The following WDR82 variants were observed in gnomAD, a reference collection of about 807,000 sequenced individuals.
The protein encoded by WDR82 is WD repeat domain 82.
A neutral mutation model predicts 36.1 loss-of-function variants in WDR82; 8 were observed. That is an observed-to-expected ratio of 0.22 (90% confidence interval 0.13 to 0.40). The LOEUF (loss-of-function observed/expected upper bound fraction) is 0.40, where lower values mean the gene tolerates loss of function less well. Ranked by LOEUF, WDR82 falls within the 10% of genes least tolerant of loss-of-function variation. The pLI is 1.00. For missense variants in WDR82, 185 were observed against 400.5 expected, an observed-to-expected ratio of 0.46 and a Z score of 4.59; for synonymous variants, 129 against 137.8, an observed-to-expected ratio of 0.94 and a Z score of 0.45.
chr3:52,260,540 T>G, intron 4 of WDR82, 39 bp from the exon 5 acceptor site: 1 of 1,413,510 alleles, frequency 7.1e-7, no homozygotes, highest in East Asian at 2.5e-5. Flanking sequence ...AAAACACACA[T>G]GCCACAACCA....
intron 3 of WDR82, among the ~76,000 whole-genome samples, chr3:52,265,184 C>T (rs1270557714): frequency 6.6e-6 from 1 of 151,328 alleles, no homozygotes; most frequent in Admixed American, 6.6e-5. Flanking sequence ...CCTGTGGTCC[C>T]AGCTACTCAG....
At chr3:52,272,878 C>T (rs149113051) in intron 1 of WDR82, among the ~76,000 whole-genome samples, 13 of 152,348 alleles carry the variant, frequency 8.5e-5, no homozygotes, top group African/African-American at 2.9e-4. Flanking sequence ...CTACATGAAA[C>T]CCATTTCCAA....
Position 52,269,771 on chromosome 3 carries a change from A to T in WDR82, c.259+941T>A, listed in dbSNP as rs1042757856. On this transcript the variant is annotated intron_variant, in intron 2 of 8. Coordinates refer to ENST00000296490, the MANE Select transcript of WDR82 (RefSeq NM_025222.4). ...CAAACAAAAGAAAATAAACAAAATT[A>T]AAAAATTAAAGAATTCTAACATGAA... 3.7e-4 allele frequency among the ~76,000 whole-genome samples: 56 copies of T among 152,306 alleles called. 1 individual carries two copies. Among genetic ancestry groups the T allele is most frequent in the African/African-American group, 1.1e-3 (44 of 41,566 alleles).
chr3:52,257,652 AC>A (rs1464196754), intron 8 of WDR82, 133 bp from the exon 9 acceptor site: 2 of 889,448 alleles, frequency 2.2e-6, no homozygotes, highest in East Asian at 2.6e-5. Context: ...TAACCAACCA[AC>A]CCCGATGCTC....
At chr3:52,261,274 G>A in intron 4 of WDR82, 106 bp downstream of exon 4, 1 of 989,284 alleles carries the variant, frequency 1.0e-6, no homozygotes, top group Non-Finnish European at 1.5e-6. Context: ...AAGACCCTGT[G>A]ATCCCAGAAT....
At chr3:52,275,597 C>A (rs929347925) in intron 1 of WDR82, among the ~76,000 whole-genome samples, 2 of 151,900 alleles carry the variant, frequency 1.3e-5, no homozygotes, top group African/African-American at 4.8e-5. Flanking sequence ...TTAGAAAATC[C>A]ACGTTGAGCC....
At chr3:52,257,654 C>CAA (rs1700023135) in intron 8 of WDR82, 135 bp from the exon 9 acceptor site, 1 of 888,350 alleles carries the variant, frequency 1.1e-6, no homozygotes, top group African/African-American at 1.7e-5. Context: ...ACCAACCAAC[C>CAA]CCGATGCTCT....
intron 2 of WDR82, among the ~76,000 whole-genome samples, chr3:52,270,494 CTGAAT>C (rs1700143860): frequency 6.6e-6 from 1 of 152,230 alleles, no homozygotes; most frequent in African/African-American, 2.4e-5. Flanking sequence ...ACTCCCCACT[CTGAAT>C]TGAAGACTTT....
At chr3:52,264,682 T>C (rs945154647) in intron 3 of WDR82, among the ~76,000 whole-genome samples, 2 of 151,284 alleles carry the variant, frequency 1.3e-5, no homozygotes, top group African/African-American at 2.4e-5. Context: ...ATTAAGGAGA[T>C]GGAAGCAAGC....
intron 1 of WDR82, 124 bp from the exon 2 acceptor site, chr3:52,270,933 T>C (rs1700147697): frequency 1.5e-5 from 9 of 616,576 alleles, no homozygotes; most frequent in South Asian, 1.3e-4. Flanking sequence ...GTTCTAACAC[T>C]GGAAAGAAAC....
chr3:52,278,314 C>G lies in WDR82; in HGVS notation c.48G>C (p.Val16=), dbSNP rs1266578749. 1.2e-6 allele frequency: 2 copies of G among 1,608,826 alleles called. No individual in the cohort carries two copies. The highest frequency in any genetic ancestry group is 1.7e-6 in the Non-Finnish European group (2 of 1,178,290). The change falls in exon 1 of 9, where the codon GTG becomes GTC. Residue 16 remains valine, a synonymous_variant. Transcript: ENST00000296490. The stretch of plus-strand genomic sequence containing the variant: ...TAATCTTGTCCGAGTTTTCGCGGAA[C>G]ACCTTAGCGACGCGGAAGCTCCGCA... ...SVLRSFRVAK[V]FRENSDKINC... is the part of the protein sequence containing the mutation.
intron 7 of WDR82, among the ~76,000 whole-genome samples, chr3:52,258,879 A>G (rs1303399387): frequency 6.6e-6 from 1 of 152,192 alleles, no homozygotes; most frequent in Non-Finnish European, 1.5e-5. Context: ...CAGGCATGTC[A>G]CTTCCGTTCT....
chr3:52,268,688 T>C (rs774592733), intron 2 of WDR82, among the ~76,000 whole-genome samples: 1 of 150,392 alleles, frequency 6.6e-6, no homozygotes, highest in Non-Finnish European at 1.5e-5. Context: ...AATGACATAC[T>C]TAACTAAAAA....
chr3:52,261,475 C>A lies in WDR82; in HGVS notation c.331G>T (p.Val111Leu), dbSNP rs1185761252. ...RYFPGHSKRVVALSMSPVDDT... is the reference protein window; with the variant it reads ...RYFPGHSKRVLALSMSPVDDT... ...TCCACAGGTGACATGGACAAGGCCA[C>A]CACCCTGCAATACATCGAGATAAAT... The change falls in exon 4 of 9, where the codon GTG (valine) becomes TTG (leucine). Residue 111 changes from valine to leucine, a missense_variant. Around this residue, in one of 3 missense-constraint regions of WDR82, gnomAD observed 26 missense variants for 107.4 expected, o/e 0.24. Coordinates refer to ENST00000296490, the MANE Select transcript of WDR82 (RefSeq NM_025222.4). 2 of 1,611,016 alleles carry A rather than the reference C, an allele frequency of 1.2e-6. No individual in the cohort carries two copies. The highest frequency in any genetic ancestry group is 2.2e-5 in the South Asian group (2 of 90,374).
Position 52,256,791 on chromosome 3 carries a change from C to T in WDR82, c.*699G>A, listed in dbSNP as rs1355549541. On this transcript the variant is annotated 3_prime_UTR_variant, in exon 9 of 9. Coordinates refer to ENST00000296490, the MANE Select transcript of WDR82 (RefSeq NM_025222.4). ...CCTGCTACCCTCCCGCTACCCTCCC[C>T]TTTCCCTCCCTTTCAGGCCCTTGGG... The T allele has an allele frequency of 1.3e-5, 2 of 153,154 alleles. No individual in the cohort carries two copies. The highest frequency in any genetic ancestry group is 1.9e-4 in the East Asian group (1 of 5,206). 9.5% of individuals were successfully genotyped at this position (153,154 alleles called of 1,614,324 possible).
At position 52,257,000 on chromosome 3, in the gene WDR82, T is replaced by C. The variant is rs1269077648; in HGVS notation, c.*490A>G. 1.9e-5 allele frequency: 3 copies of C among 156,306 alleles called. No homozygotes were observed. Among genetic ancestry groups the C allele is most frequent in the Non-Finnish European group, 4.3e-5 (3 of 70,500 alleles). The allele number at this position is 156,306 out of a possible 1,614,324, so 9.7% of individuals were successfully genotyped here. On this transcript the variant is annotated 3_prime_UTR_variant, in exon 9 of 9. Coordinates refer to ENST00000296490, the MANE Select transcript of WDR82 (RefSeq NM_025222.4). ...GTTTGGCACCTAAGAAACATGATGG[T>C]TGTGGATAATGCCACAAGTACACAG... is the stretch of plus-strand genomic sequence containing the variant.
At chr3:52,259,591 A>G in intron 6 of WDR82, 126 bp downstream of exon 6, 1 of 1,212,920 alleles carries the variant, frequency 8.2e-7, no homozygotes, top group Non-Finnish European at 1.1e-6. Flanking sequence ...GCAGGAAGAA[A>G]ATACAAGTGC....
chr3:52,278,515 T>C lies in WDR82; in HGVS notation c.-154A>G, dbSNP rs538698278. 3.4e-6 allele frequency: 2 copies of C among 595,828 alleles called. No individual in the cohort carries two copies. Among genetic ancestry groups the C allele is most frequent in the African/African-American group, 3.8e-5 (2 of 52,106 alleles). The allele number at this position is 595,828 out of a possible 1,614,324, so 36.9% of individuals were successfully genotyped here. ...CAGTTGGGCCGCCTCCTCCTCTTCT[T>C]CCTGCTTGGTCGAGGGTCTTCTGCC... On this transcript the variant is annotated 5_prime_UTR_variant, in exon 1 of 9. Coordinates refer to ENST00000296490, the MANE Select transcript of WDR82 (RefSeq NM_025222.4).
At chr3:52,262,102 G>A (rs1700067082) in intron 3 of WDR82, among the ~76,000 whole-genome samples, 1 of 152,220 alleles carries the variant, frequency 6.6e-6, no homozygotes, top group East Asian at 1.9e-4. Flanking sequence ...TGCCTCATGT[G>A]ACAACATGGA....
Sources: allele counts gnomAD v4.1 joint callset (sites outside exome capture counted in the v4.1 genomes callset), GRCh38; gene constraint gnomAD v4.1.1; regional missense constraint gnomAD v4.1.1; transcripts MANE v1.5; gene names NCBI Gene and HGNC (gene_info 2026-07-23, HGNC 2026-07-21).